The following PSMA6 variants were observed in gnomAD, a reference collection of about 807,000 sequenced individuals.
PSMA6 encodes proteasome 20S subunit alpha 6.
For missense variants in PSMA6, 170 were observed against 294.8 expected (o/e 0.58, Z 3.10); for synonymous variants, 88 against 97.7 (o/e 0.90, Z 0.59).
chr14:35,293,701 G>A (rs1566552107), intron 1 of PSMA6, among the ~76,000 whole-genome samples: 1 of 152,134 alleles, frequency 6.6e-6, no homozygotes, highest in Non-Finnish European at 1.5e-5. Context: ...ATCCCCAATT[G>A]AAAAACATGA....
chr14:35,294,244 T>G (rs541235471), intron 1 of PSMA6, among the ~76,000 whole-genome samples: 2 of 151,140 alleles, frequency 1.3e-5, no homozygotes, highest in African/African-American at 4.9e-5. Context: ...TTCTCCATGT[T>G]GATCTCGAAC....
At chr14:35,308,213 G>A in intron 2 of PSMA6, 125 bp downstream of exon 2, 1 of 1,297,324 alleles carries the variant, frequency 7.7e-7, no homozygotes, top group Non-Finnish European at 1.0e-6. Context: ...CCTTAGATCG[G>A]GAGTTCTAGA....
At chr14:35,306,007 C>A (rs1566559435) in intron 1 of PSMA6, among the ~76,000 whole-genome samples, 1 of 152,172 alleles carries the variant, frequency 6.6e-6, no homozygotes, top group East Asian at 1.9e-4. Context: ...GGGAGGATCG[C>A]TTGAGTCCAG....
At chr14:35,285,336 T>G (rs1286902976) in intron 1 of PSMA6, among the ~76,000 whole-genome samples, 1 of 83,034 alleles carries the variant, frequency 1.2e-5, no homozygotes, top group African/African-American at 6.2e-5. Flanking sequence ...CAAAACTCTA[T>G]CTCAAAAAAA....
At chr14:35,290,020 A>C (rs1328694438), upstream of PSMA6, among the ~76,000 whole-genome samples, 1 of 151,948 alleles carries the variant, frequency 6.6e-6, no homozygotes, top group East Asian at 1.9e-4. Context: ...TTTGGCTCTG[A>C]AGACTTGGAA....
chr14:35,297,405 C>T (rs112765062), intron 1 of PSMA6, among the ~76,000 whole-genome samples: 8,807 of 151,828 alleles, frequency 0.058, 340 homozygotes, highest in Middle Eastern at 0.11. Context: ...TTAGTAGAGA[C>T]GGGGTTTCAC....
chr14:35,310,733 CT>C lies in PSMA6; in HGVS notation c.254-6del, dbSNP rs1354622400. On this transcript the variant is annotated splice_polypyrimidine_tract_variant and splice_region_variant and intron_variant, in intron 3 of 6. Transcript: ENST00000261479. ...ACCAGGTAAATCTTTGTTTTTTATG[CT>C]ATAAGCTGACAGCAGATCCCAGGTA... is the stretch of plus-strand genomic sequence containing the variant. 6.2e-7 allele frequency: 1 copy of C among 1,611,404 alleles called. No homozygotes were observed. Among genetic ancestry groups the C allele is most frequent in the Non-Finnish European group, 8.5e-7 (1 of 1,179,672 alleles).
At chr14:35,284,265 C>G (rs1386768037) in intron 1 of PSMA6, among the ~76,000 whole-genome samples, 3 of 152,096 alleles carry the variant, frequency 2.0e-5, no homozygotes, top group Non-Finnish European at 2.9e-5. Flanking sequence ...ACTCCCATTC[C>G]ATGTTGCATT....
rs1437779077 is a variant in PSMA6 at position 35,309,059 on chromosome 14, ATTATT to A, written c.253+67_253+71del. On this transcript the variant is annotated intron_variant, in intron 3 of 6. Coordinates refer to ENST00000261479, the MANE Select transcript of PSMA6 (RefSeq NM_002791.3). Reference sequence around the variant, plus strand: ...ACAAGCCTTTTGTTATTTTCTTCAAATTATTTTGAGTTTTGTATTAATTTTAAACT... The same window carrying A: ...ACAAGCCTTTTGTTATTTTCTTCAAATTGAGTTTTGTATTAATTTTAAACT... 28 of 1,253,312 alleles carry A rather than the reference ATTATT, an allele frequency of 2.2e-5. No individual in the cohort carries two copies. The African/African-American group carries it at 3.5e-4, about 16-fold the overall frequency. The allele number at this position is 1,253,312 out of a possible 1,614,324, so 77.6% of individuals were successfully genotyped here.
chr14:35,312,371 G>C (rs201900503), intron 4 of PSMA6, among the ~76,000 whole-genome samples: 1 of 151,926 alleles, frequency 6.6e-6, no homozygotes, highest in Non-Finnish European at 1.5e-5. Context: ...GCTGGGCGTG[G>C]TGGTGGGCAC....
upstream of PSMA6, among the ~76,000 whole-genome samples, chr14:35,291,875 A>T (rs1186982468): frequency 6.6e-6 from 1 of 151,140 alleles, no homozygotes. Context: ...GCTGCTGGCC[A>T]AAAGAAGATC....
At chr14:35,298,879 G>A (rs1176759577) in intron 1 of PSMA6, among the ~76,000 whole-genome samples, 11 of 151,382 alleles carry the variant, frequency 7.3e-5, no homozygotes, top group Non-Finnish European at 1.5e-4. Context: ...GATTACAGGC[G>A]CGCACCACCA....
At chr14:35,307,882 T>G in intron 1 of PSMA6, 112 bp from the exon 2 acceptor site, 1 of 957,832 alleles carries the variant, frequency 1.0e-6, no homozygotes, top group Non-Finnish European at 1.6e-6. Context: ...GAATGCTATA[T>G]GAGCATTCTG....
chr14:35,283,368 A>G (rs2051387882), intron 1 of PSMA6, among the ~76,000 whole-genome samples: 1 of 151,566 alleles, frequency 6.6e-6, no homozygotes, highest in African/African-American at 2.4e-5. Flanking sequence ...CTCTACAAAA[A>G]AAAAAAAAAA....
At chr14:35,297,052 A>C (rs17458715) in intron 1 of PSMA6, among the ~76,000 whole-genome samples, 8,596 of 148,224 alleles carry the variant, frequency 0.058, 328 homozygotes, top group Middle Eastern at 0.11. Flanking sequence ...TGAACCACAC[A>C]TCTCAATTAT....
intron 1 of PSMA6, among the ~76,000 whole-genome samples, chr14:35,296,874 A>G (rs2051599707): frequency 6.6e-6 from 1 of 152,144 alleles, no homozygotes; most frequent in Non-Finnish European, 1.5e-5. Context: ...ATCTACATAA[A>G]TACATATATA....
chr14:35,278,655 G>C (rs1276011781), exon 1 of PSMA6: 1 of 1,534,622 alleles, frequency 6.5e-7, no homozygotes, highest in Non-Finnish European at 8.7e-7. Context: ...TGGGAGAATG[G>C]GATGGAGCCT....
intron 3 of PSMA6, among the ~76,000 whole-genome samples, chr14:35,309,754 C>T (rs1418418797): frequency 1.3e-5 from 2 of 151,972 alleles, no homozygotes; most frequent in Non-Finnish European, 2.9e-5. Flanking sequence ...TGAGATTGTA[C>T]TACTGCACTC....
chr14:35,310,914 C>A lies in PSMA6; in HGVS notation c.409+19C>A, dbSNP rs2051931964. On this transcript the variant is annotated intron_variant, in intron 4 of 6. Transcript: ENST00000261479. ...GGTTGTTGTAAGTATGCTAAGAGGTCTCCCAAATAATTGATGAATTGAAAC... is the reference window on the plus strand; with the variant it reads ...GGTTGTTGTAAGTATGCTAAGAGGTATCCCAAATAATTGATGAATTGAAAC... The A allele has an allele frequency of 6.2e-7, 1 of 1,601,138 alleles. No homozygotes were observed. The highest frequency in any genetic ancestry group is 8.5e-7 in the Non-Finnish European group (1 of 1,173,228).
Sources: allele counts gnomAD v4.1 joint callset (sites outside exome capture counted in the v4.1 genomes callset), GRCh38; gene constraint gnomAD v4.1.1; transcripts MANE v1.5; gene names NCBI Gene and HGNC (gene_info 2026-07-23, HGNC 2026-07-21).